The following ZNF562 variants were observed in gnomAD, a reference collection of about 807,000 sequenced individuals.
ZNF562 encodes zinc finger protein 562.
A neutral mutation model predicts 17.5 loss-of-function variants in ZNF562; 13 were observed. The ratio of observed to expected loss-of-function variants is 0.74; its 90% CI spans 0.48 to 1.18. The LOEUF (loss-of-function observed/expected upper bound fraction) is 1.18, where lower values mean the gene tolerates loss of function less well. ZNF562 is among the 50% of genes most tolerant of loss of function. The pLI is 0.00. For missense variants in ZNF562, 481 were observed against 498.5 expected, an observed-to-expected ratio of 0.96 and a Z score of 0.33; for synonymous variants, 163 against 165.4, an observed-to-expected ratio of 0.99 and a Z score of 0.11.
rs148126411 is a variant in ZNF562, at chr19:9,653,159, C to T, written c.1071G>A (p.Thr357=). 223 of 1,613,224 alleles carry T rather than the reference C, an allele frequency of 1.4e-4. No homozygotes were observed. Among genetic ancestry groups the T allele is most frequent in the Non-Finnish European group, 1.7e-4 (203 of 1,179,642 alleles). Residue 357 remains threonine (T), a synonymous_variant, in exon 6 of 6, where the codon ACG becomes ACA. Coordinates refer to ENST00000453372, the MANE Select transcript of ZNF562 (RefSeq NM_001130031.2). ...KECGQAFTQY[T]GLAIHIRNHT... ...GATTTCGTATGTGTATAGCAAGGCC[C>T]GTGTACTGAGTGAAGGCTTGGCCAC...
At position 9,659,424 on chromosome 19, in the gene ZNF562, T is replaced by C. The variant is rs553417233; in HGVS notation, c.69A>G (p.Thr23=). Reference sequence around the variant, plus strand: ...GGTCCTCTACCATCGTTCCTATCTTTGTCTTTTCTTCAAAAGGACAGATTG... The same window carrying C: ...GGTCCTCTACCATCGTTCCTATCTTCGTCTTTTCTTCAAAAGGACAGATTG... The part of the protein sequence containing the change: ...REPICPFEEK[T]KIGTMVEDHR... Residue 23 remains threonine, a synonymous_variant, in exon 3 of 6, where the codon ACA becomes ACG. Coordinates refer to ENST00000453372, the MANE Select transcript of ZNF562 (RefSeq NM_001130031.2). The C allele has an allele frequency of 5.0e-5, 78 of 1,551,588 alleles. No individual in the cohort carries two copies. In the South Asian group the frequency reaches 9.0e-4, roughly 18 times the overall value.
chr19:9,660,673 G>A (rs1169752039), intron 2 of ZNF562, 47 bp downstream of exon 2: 2 of 1,604,348 alleles, frequency 1.2e-6, no homozygotes, highest in East Asian at 2.2e-5. Flanking sequence ...GTTGTGGAGG[G>A]CGACCTAAAG....
At chr19:9,673,759 G>A (rs940519841) in intron 1 of ZNF562, among the ~76,000 whole-genome samples, 2 of 152,148 alleles carry the variant, frequency 1.3e-5, no homozygotes, top group Admixed American at 6.5e-5. Context: ...TGAATGTAAT[G>A]TGTCAAAAAT....
intron 1 of ZNF562, among the ~76,000 whole-genome samples, chr19:9,673,038 AAC>A (rs1400133738): frequency 6.6e-6 from 1 of 152,000 alleles, no homozygotes; most frequent in Non-Finnish European, 1.5e-5. Context: ...TACTGTAAAC[AAC>A]CTTCCCATCA....
intron 1 of ZNF562, 57 bp from the exon 2 acceptor site, chr19:9,660,931 C>T: frequency 2.0e-6 from 1 of 497,926 alleles, no homozygotes; most frequent in Non-Finnish European, 3.5e-6. Context: ...GAACATTATG[C>T]ATGAGCTTTC....
chr19:9,650,914 A>G lies in ZNF562; in HGVS notation c.*2035T>C, dbSNP rs2074857712. The G allele has an allele frequency of 1.5e-5, 2 of 133,634 alleles. No individual in the cohort carries two copies. The highest frequency in any genetic ancestry group is 5.7e-5 in the African/African-American group (2 of 34,962). 8.3% of individuals were successfully genotyped at this position (133,634 alleles called of 1,614,324 possible). ...GGTTGCGGTGAGCCAAGATCATACC[A>G]TTGCACTCCAGCCTGGGCAACAAGA... On this transcript the variant is annotated 3_prime_UTR_variant, in exon 6 of 6. Coordinates refer to ENST00000453372, the MANE Select transcript of ZNF562 (RefSeq NM_001130031.2).
Position 9,660,746 on chromosome 19 carries a change from C to G in ZNF562, c.-2G>C. On this transcript the variant is annotated 5_prime_UTR_variant, in exon 2 of 6. Coordinates refer to ENST00000453372, the MANE Select transcript of ZNF562 (RefSeq NM_001130031.2). Reference sequence around the variant, plus strand: ...ATGGGACATATCAAAGGCTGACATCCTCTGAAGCTGATGGTGAGATGTGCC... The same window carrying G: ...ATGGGACATATCAAAGGCTGACATCGTCTGAAGCTGATGGTGAGATGTGCC... The G allele has an allele frequency of 1.2e-6, 2 of 1,613,548 alleles. No homozygotes were observed. Among genetic ancestry groups the G allele is most frequent in the Non-Finnish European group, 1.7e-6 (2 of 1,179,694 alleles).
intron 4 of ZNF562, 126 bp from the exon 5 acceptor site, chr19:9,656,779 C>CTTT (rs1168669389): frequency 1.2e-5 from 10 of 849,084 alleles, no homozygotes; most frequent in Admixed American, 2.6e-5. Flanking sequence ...AATCCCAGGA[C>CTTT]TTTGGGAGGC....
rs1189215747 is a variant in ZNF562 at position 9,650,387 on chromosome 19, T to G, written c.*2562A>C. ...GTATACATACATATGTGTATATATA[T>G]GTATATATATATACACATACACACA... On this transcript the variant is annotated 3_prime_UTR_variant, in exon 6 of 6. Transcript: ENST00000453372. 1 of 146,898 alleles carries G rather than the reference T, an allele frequency of 6.8e-6. No individual in the cohort carries two copies. Among genetic ancestry groups the G allele is most frequent in the Non-Finnish European group, 1.5e-5 (1 of 67,300 alleles). 9.1% of individuals were successfully genotyped at this position (146,898 alleles called of 1,614,324 possible).
chr19:9,651,877 G>A lies in ZNF562; in HGVS notation c.*1072C>T, dbSNP rs756856960. 18 of 152,192 alleles carry A rather than the reference G, an allele frequency of 1.2e-4. No homozygotes were observed. Among genetic ancestry groups the A allele is most frequent in the Non-Finnish European group, 4.4e-5 (3 of 68,046 alleles). 9.4% of individuals were successfully genotyped at this position (152,192 alleles called of 1,614,324 possible). On this transcript the variant is annotated 3_prime_UTR_variant, in exon 6 of 6. Coordinates refer to ENST00000453372, the MANE Select transcript of ZNF562 (RefSeq NM_001130031.2). ...CTCTGCACTATATTTCTGTGTCTTT[G>A]TCTTAATTCCTCTAGAGCCACTGGG...
At chr19:9,657,787 T>C (rs886146349) in intron 4 of ZNF562, among the ~76,000 whole-genome samples, 4 of 152,074 alleles carry the variant, frequency 2.6e-5, no homozygotes, top group African/African-American at 7.2e-5. Flanking sequence ...GACCTTGTGA[T>C]CTGCCTGCCT....
intron 1 of ZNF562, among the ~76,000 whole-genome samples, chr19:9,669,707 C>A (rs1287934779): frequency 2.2e-5 from 2 of 90,914 alleles, no homozygotes; most frequent in South Asian, 6.2e-4. Flanking sequence ...TGTCTGCATG[C>A]ACGCGCGCGA....
At chr19:9,657,396 AAAAAAAAACC>A (rs934816037) in intron 4 of ZNF562, among the ~76,000 whole-genome samples, 15 of 151,434 alleles carry the variant, frequency 9.9e-5, no homozygotes, top group African/African-American at 1.9e-4. Context: ...TCCCTCAAAA[AAAAAAAAACC>A]AAAAAAAACC....
rs2074811786 is a variant in ZNF562, at chr19:9,647,044, C to T, written c.*5905G>A. 6.6e-6 allele frequency: 1 copy of T among 150,670 alleles called. No homozygotes were observed. The highest frequency in any genetic ancestry group is 6.6e-5 in the Admixed American group (1 of 15,052). The allele number at this position is 150,670 out of a possible 1,614,324, so 9.3% of individuals were successfully genotyped here. On this transcript the variant is annotated 3_prime_UTR_variant, in exon 6 of 6. Coordinates refer to ENST00000453372, the MANE Select transcript of ZNF562 (RefSeq NM_001130031.2). ...CCCCCTGCCTTGACCTCCCAAAGTGCTGTGATTAAAGCCGTGAAGCACCGT... is the reference window on the plus strand; with the variant it reads ...CCCCCTGCCTTGACCTCCCAAAGTGTTGTGATTAAAGCCGTGAAGCACCGT...
intron 2 of ZNF562, among the ~76,000 whole-genome samples, chr19:9,660,268 A>G (rs548278150): frequency 2.0e-5 from 3 of 151,830 alleles, no homozygotes; most frequent in Non-Finnish European, 2.9e-5. Flanking sequence ...GTCTCAAAAA[A>G]TAAATAAATA....
At chr19:9,674,216 A>T (rs1393033703) in intron 1 of ZNF562, among the ~76,000 whole-genome samples, 1 of 152,162 alleles carries the variant, frequency 6.6e-6, no homozygotes, top group Non-Finnish European at 1.5e-5. Context: ...ATAACAGAGC[A>T]GGAAATTGGA....
At chr19:9,673,072 C>T (rs8105004) in intron 1 of ZNF562, among the ~76,000 whole-genome samples, 4,532 of 152,196 alleles carry the variant, frequency 0.03, 227 homozygotes, top group African/African-American at 0.1. Context: ...TAACTCACAT[C>T]TGTTCCCTTG....
At chr19:9,668,331 A>G (rs1304217543) in intron 1 of ZNF562, among the ~76,000 whole-genome samples, 1 of 152,058 alleles carries the variant, frequency 6.6e-6, no homozygotes, top group East Asian at 1.9e-4. Context: ...ATGAGCTACA[A>G]CTGCACCACT....
At chr19:9,669,734 GCACACACACACACACACACACACACA>G (rs71188835) in intron 1 of ZNF562, among the ~76,000 whole-genome samples, 6 of 109,302 alleles carry the variant, frequency 5.5e-5, no homozygotes, top group Non-Finnish European at 1.1e-4. Context: ...GCGCGCGCGC[GCACACACACACACACACACACACACA>G]CACACACACA....
Sources: allele counts gnomAD v4.1 joint callset (sites outside exome capture counted in the v4.1 genomes callset), GRCh38; gene constraint gnomAD v4.1.1; transcripts MANE v1.5; gene names NCBI Gene and HGNC (gene_info 2026-07-23, HGNC 2026-07-21).